Variants in KCTD8 observed in about 807,000 individuals in gnomAD.
The protein encoded by KCTD8 is BTB/POZ domain-containing protein KCTD8.
KCTD8 carries 27 observed loss-of-function variants against 31.5 expected under a neutral mutation model. That is an observed-to-expected ratio of 0.86 (90% confidence interval 0.63 to 1.18). The LOEUF is 1.18. Among genes scored for constraint, KCTD8 ranks in the 50% most tolerant of loss-of-function variants. The pLI, the probability that KCTD8 is intolerant of heterozygous loss-of-function variation, is 0.00. For synonymous variants in KCTD8, 290 were observed against 280.0 expected, an observed-to-expected ratio of 1.04 and a Z score of -0.36; for missense variants, 658 against 647.7, an observed-to-expected ratio of 1.02 and a Z score of -0.17.
At position 44,237,896 on chromosome 4, in the gene KCTD8, A is replaced by T. The variant is rs552520932; in HGVS notation, c.962-62646T>A. ...GAAACCAGTGACACAGCTGAGGTTC[A>T]AATTTCAGTTTCCATTAATGTGTAC... On this transcript the variant is annotated intron_variant, in intron 1 of 1. Coordinates refer to ENST00000360029, the MANE Select transcript of KCTD8 (RefSeq NM_198353.3). Among the ~76,000 whole-genome samples the T allele has an allele frequency of 2.0e-5, 3 of 152,306 alleles. No homozygotes were observed. In the East Asian group the frequency reaches 5.8e-4, roughly 29 times the overall value.
Position 44,190,349 on chromosome 4 carries a change from A to G in KCTD8, c.962-15099T>C, listed in dbSNP as rs80039850. Among the ~76,000 whole-genome samples, 1,178 of 152,332 alleles carry G rather than the reference A, an allele frequency of 7.7e-3. 17 individuals are homozygous for G. Among genetic ancestry groups the G allele is most frequent in the African/African-American group, 0.026 (1,100 of 41,574 alleles). ...TAATATTAGCCTAAATATCACATGC[A>G]TTCCTGTCTTTAATTCTTCACCTAT... On this transcript the variant is annotated intron_variant, in intron 1 of 1. Coordinates refer to ENST00000360029, the MANE Select transcript of KCTD8 (RefSeq NM_198353.3).
intron 1 of KCTD8, among the ~76,000 whole-genome samples, chr4:44,248,248 T>C (rs1403529308): frequency 6.6e-6 from 1 of 151,886 alleles, no homozygotes; most frequent in Non-Finnish European, 1.5e-5. Flanking sequence ...AAAATTATTA[T>C]TTAGGAAATA....
intron 1 of KCTD8, among the ~76,000 whole-genome samples, chr4:44,360,342 A>C (rs763589827): frequency 1.2e-4 from 19 of 152,040 alleles, no homozygotes; most frequent in Non-Finnish European, 2.1e-4. Context: ...TGCTTTACAC[A>C]CTTAGTACAT....
chr4:44,191,691 G>A (rs925057828), intron 1 of KCTD8, among the ~76,000 whole-genome samples: 14 of 152,158 alleles, frequency 9.2e-5, no homozygotes, highest in Admixed American at 2.0e-4. Context: ...AAAAAATCCC[G>A]CCCTGGTAAA....
chr4:44,186,631 C>T (rs1233022131), intron 1 of KCTD8, among the ~76,000 whole-genome samples: 1 of 152,228 alleles, frequency 6.6e-6, no homozygotes, highest in Admixed American at 6.5e-5. Context: ...ACACTCCCCA[C>T]GACCTGCCCG....
chr4:44,276,630 G>T (rs1716758378), intron 1 of KCTD8, among the ~76,000 whole-genome samples: 1 of 151,870 alleles, frequency 6.6e-6, no homozygotes, highest in African/African-American at 2.4e-5. Context: ...TAACTAGTTG[G>T]TATTTTGTGT....
chr4:44,362,671 C>T (rs1327478787), intron 1 of KCTD8, among the ~76,000 whole-genome samples: 1 of 151,754 alleles, frequency 6.6e-6, no homozygotes, highest in Non-Finnish European at 1.5e-5. Flanking sequence ...ATAAATATTT[C>T]AAATGATACT....
chr4:44,441,240 A>T (rs1003972497), intron 1 of KCTD8, among the ~76,000 whole-genome samples: 1 of 149,438 alleles, frequency 6.7e-6, no homozygotes, highest in African/African-American at 2.5e-5. Flanking sequence ...ACTACTACTA[A>T]AAAAAAAATA....
intron 1 of KCTD8, among the ~76,000 whole-genome samples, chr4:44,308,950 G>A (rs1307599383): frequency 6.6e-6 from 1 of 152,066 alleles, no homozygotes; most frequent in African/African-American, 2.4e-5. Flanking sequence ...AGAGAACATA[G>A]TGTATTGAAT....
chr4:44,182,152 C>T (rs1360952014), intron 1 of KCTD8, among the ~76,000 whole-genome samples: 1 of 151,562 alleles, frequency 6.6e-6, no homozygotes, highest in Admixed American at 6.6e-5. Flanking sequence ...GCCAGCCGCC[C>T]CGTCCGAGAG....
rs1713490411 is a variant in KCTD8, at chr4:44,183,530, C to A, written c.962-8280G>T. 2.6e-5 allele frequency among the ~76,000 whole-genome samples: 4 copies of A among 152,186 alleles called. No homozygotes were observed. The South Asian group carries it at 8.3e-4, about 32-fold the overall frequency. On this transcript the variant is annotated intron_variant, in intron 1 of 1. Coordinates refer to ENST00000360029, the MANE Select transcript of KCTD8 (RefSeq NM_198353.3). ...AGGGCTTTTGATCAATTCCCTTGGG[C>A]TTTATTATATTAAAATAGAAAAGTG...
intron 1 of KCTD8, among the ~76,000 whole-genome samples, chr4:44,241,016 T>C (rs952048626): frequency 2.0e-5 from 3 of 152,184 alleles, no homozygotes; most frequent in Non-Finnish European, 2.9e-5. Flanking sequence ...CACACTTCAT[T>C]TTTGCATAAC....
chr4:44,281,329 T>C (rs537484723), intron 1 of KCTD8, among the ~76,000 whole-genome samples: 12 of 152,268 alleles, frequency 7.9e-5, no homozygotes, highest in Admixed American at 6.5e-4. Flanking sequence ...AAATATGGAA[T>C]GCACCTTAAT....
chr4:44,368,426 A>G (rs1719697769), intron 1 of KCTD8, among the ~76,000 whole-genome samples: 1 of 152,096 alleles, frequency 6.6e-6, no homozygotes, highest in African/African-American at 2.4e-5. Flanking sequence ...TAAGCAAATC[A>G]AATTCTGTAT....
chr4:44,218,794 A>G (rs1270638083), intron 1 of KCTD8, among the ~76,000 whole-genome samples: 3 of 152,076 alleles, frequency 2.0e-5, no homozygotes, highest in African/African-American at 7.2e-5. Context: ...GAAACACAAT[A>G]TAAAATAAGA....
In KCTD8 at chr4:44,447,865, A is replaced by C; in HGVS notation, c.659T>G (p.Val220Gly). Residue 220 changes from valine to glycine, a missense_variant, in exon 1 of 2, where the codon GTG (valine) becomes GGG (glycine). Physicochemically the swap from Val to Gly is moderately radical, Grantham distance 109. Coordinates refer to ENST00000360029, the MANE Select transcript of KCTD8 (RefSeq NM_198353.3). ...TTTGGCGTCGGCCTGGTTGTCGCGC[A>C]CGGTGGTGTAGGAGCCCCGGTAGCC... is the stretch of plus-strand genomic sequence containing the variant. The part of the protein sequence containing the change: ...TLGYRGSYTT[V>G]RDNQADAKFR... 1 of 1,570,416 alleles carries C rather than the reference A, an allele frequency of 6.4e-7. No homozygotes were observed. The highest frequency in any genetic ancestry group is 1.2e-5 in the South Asian group (1 of 86,660).
At chr4:44,219,976 A>G (rs1387108265) in intron 1 of KCTD8, among the ~76,000 whole-genome samples, 1 of 152,214 alleles carries the variant, frequency 6.6e-6, no homozygotes, top group African/African-American at 2.4e-5. Flanking sequence ...ATTTCTAGTA[A>G]ACAAAAACTA....
intron 1 of KCTD8, among the ~76,000 whole-genome samples, chr4:44,436,138 T>C (rs941837631): frequency 6.6e-6 from 1 of 152,090 alleles, no homozygotes; most frequent in Non-Finnish European, 1.5e-5. Context: ...GTGGGGCAAA[T>C]TGGCACAGAA....
At chr4:44,348,261 C>G (rs973750703) in intron 1 of KCTD8, among the ~76,000 whole-genome samples, 1 of 152,218 alleles carries the variant, frequency 6.6e-6, no homozygotes, top group East Asian at 1.9e-4. Flanking sequence ...ATTCAAAACC[C>G]AATTTTTCTA....
Sources: gnomAD v4.1 joint callset for allele counts (sites outside exome capture counted in the v4.1 genomes callset) on GRCh38, gnomAD v4.1.1 for gene constraint, MANE v1.5 for transcripts, NCBI Gene and HGNC (gene_info 2026-07-23, HGNC 2026-07-21) for gene names.